IMPA2: variants seen among roughly 807,000 people sequenced by gnomAD.
IMPA2 encodes the protein inositol monophosphatase 2, also known as IMP 2.
In IMPA2, 32 loss-of-function variants were observed where a neutral mutation model predicts 35.1. The observed-to-expected ratio is 0.91, with a 90% CI of 0.69 to 1.23. IMPA2 has a LOEUF of 1.23. Among genes scored for constraint, IMPA2 ranks in the 50% most tolerant of loss-of-function variants. The pLI is 0.00. For missense variants in IMPA2, 334 were observed against 387.6 expected, an observed-to-expected ratio of 0.86 and a Z score of 1.16; for synonymous variants, 135 against 160.6, an observed-to-expected ratio of 0.84 and a Z score of 1.20.
rs1476052787 is a variant in IMPA2 at position 12,010,144 on chromosome 18, T to A, written c.335+157T>A. On this transcript the variant is annotated intron_variant, in intron 3 of 7. Transcript: ENST00000269159. The surrounding 1 kb of genome is among the most constrained non-coding windows in gnomAD (Gnocchi z 4.8). ...CAGAAAGATGATCAGATCTTGATAT[T>A]TTTAAAATAAGGTTTTCCGTTTGTG... is the stretch of plus-strand genomic sequence containing the variant. 2.9e-5 allele frequency: 16 copies of A among 543,476 alleles called. No homozygotes were observed. The highest frequency in any genetic ancestry group is 2.3e-5 in the Non-Finnish European group (7 of 308,290). The allele number at this position is 543,476 out of a possible 1,614,324, so 33.7% of individuals were successfully genotyped here.
chr18:11,995,736 G>A (rs964131621), intron 1 of IMPA2, among the ~76,000 whole-genome samples: 5 of 152,166 alleles, frequency 3.3e-5, no homozygotes, highest in Non-Finnish European at 7.3e-5. Flanking sequence ...GGAAGCACTG[G>A]ATCTTTTCAA....
At position 12,019,692 on chromosome 18, in the gene IMPA2, A is replaced by G. The variant is rs79050069; in HGVS notation, c.490+5319A>G. Among the ~76,000 whole-genome samples, 192 of 152,162 alleles carry G rather than the reference A, an allele frequency of 1.3e-3. 2 individuals carry two copies. The highest frequency in any genetic ancestry group is 4.5e-3 in the African/African-American group (185 of 41,528). On this transcript the variant is annotated intron_variant, in intron 5 of 7. Transcript: ENST00000269159. ...GGATCTTTTGTTCATTGTTGATTTT[A>G]TAACATCATGTATTGGTCGTTTGGG...
At chr18:12,024,168 A>G (rs534621111) in intron 5 of IMPA2, among the ~76,000 whole-genome samples, 2 of 152,338 alleles carry the variant, frequency 1.3e-5, no homozygotes, top group African/African-American at 4.8e-5. Flanking sequence ...TACTGATGGC[A>G]AAAGATGTAT....
rs769642583 is a variant in IMPA2, at chr18:12,012,134, G to C, written c.336-36G>C. On this transcript the variant is annotated intron_variant, in intron 3 of 7. Coordinates refer to ENST00000269159, the MANE Select transcript of IMPA2 (RefSeq NM_014214.3). ...CAGGCTCCCGAGAGCTGCCGCTCTTGTTCCAGAGAGTAAACCTTTCTATTT... is the reference window on the plus strand; with the variant it reads ...CAGGCTCCCGAGAGCTGCCGCTCTTCTTCCAGAGAGTAAACCTTTCTATTT... 5.0e-6 allele frequency: 8 copies of C among 1,610,050 alleles called. No homozygotes were observed. The Admixed American group carries it at 1.2e-4, about 23-fold the overall frequency.
intron 2 of IMPA2, among the ~76,000 whole-genome samples, chr18:12,009,348 G>C (rs1907368356): frequency 6.6e-6 from 1 of 152,146 alleles, no homozygotes; most frequent in African/African-American, 2.4e-5. Context: ...AAATGAACCA[G>C]CTGCGGGGGG....
chr18:12,022,599 T>C (rs1907765027), intron 5 of IMPA2, among the ~76,000 whole-genome samples: 1 of 146,866 alleles, frequency 6.8e-6, no homozygotes, highest in African/African-American at 2.5e-5. Context: ...ATGGTAAATA[T>C]AGGACAAAGG....
chr18:12,024,136 A>C (rs1323417626), intron 5 of IMPA2, among the ~76,000 whole-genome samples: 3 of 152,238 alleles, frequency 2.0e-5, no homozygotes, highest in Non-Finnish European at 4.4e-5. Flanking sequence ...GATGGAATAG[A>C]GTGCGGCTGT....
chr18:12,028,960 A>G lies in IMPA2; in HGVS notation c.718A>G (p.Arg240Gly), dbSNP rs1306466222. The G allele has an allele frequency of 6.2e-7, 1 of 1,614,018 alleles. No homozygotes were observed. The highest frequency in any genetic ancestry group is 1.7e-5 in the Admixed American group (1 of 60,008). ...TCTGGCGGCTGCCACAGTCATCATCAGAGAAGCAGGCGGCATCGTGATAGA... is the reference window on the plus strand; with the variant it reads ...TCTGGCGGCTGCCACAGTCATCATCGGAGAAGCAGGCGGCATCGTGATAGA... ...WDLAAATVIIREAGGIVIDTS... is the reference protein window; with the variant it reads ...WDLAAATVIIGEAGGIVIDTS... The change falls in exon 7 of 8, where the codon AGA becomes GGA. Residue 240 changes from arginine to glycine, a missense_variant. Physicochemically the swap from Arg to Gly is moderately radical, Grantham distance 125. Transcript: ENST00000269159.
In IMPA2 at chr18:11,991,267, C is replaced by T. The variant is rs1264387729; in HGVS notation, c.97-7787C>T. Among the ~76,000 whole-genome samples, 1 of 152,086 alleles carries T rather than the reference C, an allele frequency of 6.6e-6. No individual in the cohort carries two copies. Among genetic ancestry groups the T allele is most frequent in the Non-Finnish European group, 1.5e-5 (1 of 68,028 alleles). Reference sequence around the variant, plus strand: ...GGTATGGAAGGTGCCAGTGCCTTGTCAGGGCGGAGGGCGACTAGAGATCAA... The same window carrying T: ...GGTATGGAAGGTGCCAGTGCCTTGTTAGGGCGGAGGGCGACTAGAGATCAA... On this transcript the variant is annotated intron_variant, in intron 1 of 7. Coordinates refer to ENST00000269159, the MANE Select transcript of IMPA2 (RefSeq NM_014214.3). The surrounding 1 kb of genome is among the most constrained non-coding windows in gnomAD (Gnocchi z 4.1).
chr18:12,007,617 TCTTTTTCTTTC>T (rs1244534889), intron 2 of IMPA2, among the ~76,000 whole-genome samples: 5 of 133,274 alleles, frequency 3.8e-5, no homozygotes, highest in East Asian at 2.1e-4. Context: ...TTTCTTTCTT[TCTTTTTCTTTC>T]TTCTTTCTTT....
intron 5 of IMPA2, among the ~76,000 whole-genome samples, chr18:12,025,396 G>A (rs368164832): frequency 2.7e-4 from 41 of 152,330 alleles, no homozygotes; most frequent in South Asian, 1.9e-3. Context: ...CAAGGGGCAC[G>A]ATTGCTGGAC....
At chr18:12,008,381 A>G (rs551293818) in intron 2 of IMPA2, 31 of 518,948 alleles carry the variant, frequency 6.0e-5, no homozygotes, top group African/African-American at 4.8e-4. Context: ...GGAACTGGAT[A>G]GAAAACCTCT....
At chr18:12,024,478 C>A (rs991548766) in intron 5 of IMPA2, among the ~76,000 whole-genome samples, 10 of 150,468 alleles carry the variant, frequency 6.6e-5, no homozygotes, top group African/African-American at 2.3e-4. Context: ...AGCAAGACTC[C>A]ATCTCAAAAA....
chr18:12,002,947 C>T (rs1233027309), intron 2 of IMPA2, among the ~76,000 whole-genome samples: 1 of 151,796 alleles, frequency 6.6e-6, no homozygotes, highest in Admixed American at 6.6e-5. Context: ...AATCCCTGCA[C>T]TTTGGGAGGC....
rs182249076 is a variant in IMPA2, at chr18:12,015,944, G to A, written c.490+1571G>A. On this transcript the variant is annotated intron_variant, in intron 5 of 7. Coordinates refer to ENST00000269159, the MANE Select transcript of IMPA2 (RefSeq NM_014214.3). ...TAGCTCAGTCAGGCTGCAACTCTGC[G>A]TCCTCCCAGCCTGCAGGCTGCTAGC... Among the ~76,000 whole-genome samples, 65 of 152,264 alleles carry A rather than the reference G, an allele frequency of 4.3e-4. No individual in the cohort carries two copies. The East Asian group carries it at 9.3e-3, about 22-fold the overall frequency.
chr18:11,989,260 G>T (rs1447582340), intron 1 of IMPA2, among the ~76,000 whole-genome samples: 1 of 152,136 alleles, frequency 6.6e-6, no homozygotes, highest in African/African-American at 2.4e-5. Context: ...TCCAGAAAAG[G>T]CTTCCCTGCT....
At chr18:11,988,635 G>A (rs997771089) in intron 1 of IMPA2, among the ~76,000 whole-genome samples, 7 of 152,148 alleles carry the variant, frequency 4.6e-5, no homozygotes, top group African/African-American at 1.4e-4. Flanking sequence ...TTTGGAGGCT[G>A]AGATGACAGC....
chr18:12,014,738 C>T (rs1384672183), intron 5 of IMPA2, among the ~76,000 whole-genome samples: 2 of 151,984 alleles, frequency 1.3e-5, no homozygotes, highest in Non-Finnish European at 2.9e-5. Flanking sequence ...CGATTTTGCC[C>T]AGGCACTGCT....
intron 1 of IMPA2, among the ~76,000 whole-genome samples, chr18:11,993,741 A>G (rs592591): frequency 0.061 from 9,230 of 152,276 alleles, 904 homozygotes; most frequent in African/African-American, 0.21. Flanking sequence ...GAGAGCACAG[A>G]CAGGCAGAAG....
Sources: gnomAD v4.1 joint callset for allele counts (sites outside exome capture counted in the v4.1 genomes callset) on GRCh38, gnomAD v4.1.1 for gene constraint, Gnocchi (gnomAD v3.1) non-coding constraint, MANE v1.5 for transcripts, NCBI Gene and HGNC (gene_info 2026-07-23, HGNC 2026-07-21) for gene names.